PPP2R5E: variants seen among roughly 807,000 people sequenced by gnomAD.
The protein encoded by PPP2R5E is protein phosphatase 2 regulatory subunit B'epsilon, also known as serine/threonine-protein phosphatase 2A 56 kDa regulatory subunit epsilon isoform.
A neutral mutation model predicts 65.3 loss-of-function variants in PPP2R5E; 4 were observed. The ratio of observed to expected loss-of-function variants is 0.06; its 90% CI spans 0.03 to 0.14. The LOEUF (loss-of-function observed/expected upper bound fraction) is 0.14. Ranked by LOEUF, PPP2R5E falls within the 10% of genes least tolerant of loss-of-function variation. The pLI, the probability that PPP2R5E is intolerant of heterozygous loss-of-function variation, is 1.00. For synonymous variants in PPP2R5E, 183 were observed against 187.4 expected, an observed-to-expected ratio of 0.98 and a Z score of 0.19; for missense variants, 274 against 556.1, an observed-to-expected ratio of 0.49 and a Z score of 5.10.
intron 11 of PPP2R5E, among the ~76,000 whole-genome samples, chr14:63,389,108 T>TAG (rs1222422786): frequency 1.3e-5 from 2 of 149,798 alleles, no homozygotes; most frequent in African/African-American, 5.0e-5. Context: ...TTGGGACCTA[T>TAG]AGTAAATTGT....
At chr14:63,475,948 A>G (rs1890392145) in intron 2 of PPP2R5E, among the ~76,000 whole-genome samples, 1 of 152,216 alleles carries the variant, frequency 6.6e-6, no homozygotes, top group Non-Finnish European at 1.5e-5. Flanking sequence ...GCTTAACTAC[A>G]GTGTCATGAA....
chr14:63,473,701 G>T (rs966798543), intron 2 of PPP2R5E, among the ~76,000 whole-genome samples: 1 of 152,190 alleles, frequency 6.6e-6, no homozygotes, highest in Non-Finnish European at 1.5e-5. Context: ...TTTTGGTGTG[G>T]ATTTTATTAA....
intron 2 of PPP2R5E, among the ~76,000 whole-genome samples, chr14:63,474,739 GA>G (rs113866065): frequency 0.052 from 7,669 of 148,666 alleles, 558 homozygotes; most frequent in African/African-American, 0.16. Flanking sequence ...ATATTTGGGG[GA>G]AAAAAAGGAA....
chr14:63,440,784 A>C lies in PPP2R5E; in HGVS notation c.354+12905T>G, dbSNP rs1888191385. On this transcript the variant is annotated intron_variant, in intron 3 of 13. Transcript: ENST00000337537. The stretch of plus-strand genomic sequence containing the variant: ...AAACTCCGTCTCTACTAAAAAATAC[A>C]AAAAAAAAAAAAAAATTAGCTGGGC... Among the ~76,000 whole-genome samples the C allele has an allele frequency of 5.8e-5, 4 of 68,938 alleles. No homozygotes were observed. In the South Asian group the frequency reaches 1.4e-3, roughly 25 times the overall value. 45.2% of individuals were successfully genotyped at this position (68,938 alleles called of 152,430 possible).
intron 10 of PPP2R5E, among the ~76,000 whole-genome samples, chr14:63,390,295 GACAC>G (rs59239063): frequency 0.077 from 10,791 of 140,006 alleles, 404 homozygotes; most frequent in South Asian, 0.1. Flanking sequence ...ACGCATTCTC[GACAC>G]ACACACACAC....
intron 2 of PPP2R5E, among the ~76,000 whole-genome samples, chr14:63,461,271 A>G (rs1483707119): frequency 6.6e-6 from 1 of 152,052 alleles, no homozygotes; most frequent in Non-Finnish European, 1.5e-5. Flanking sequence ...TGCAAGAATT[A>G]TATACAGTAT....
chr14:63,377,467 C>T (rs1037461812), intron 13 of PPP2R5E, among the ~76,000 whole-genome samples: 1 of 152,082 alleles, frequency 6.6e-6, no homozygotes, highest in Non-Finnish European at 1.5e-5. Context: ...CCAAAAAACT[C>T]AAGAAAAACC....
chr14:63,474,892 T>C (rs889295809), intron 2 of PPP2R5E, among the ~76,000 whole-genome samples: 3 of 151,834 alleles, frequency 2.0e-5, no homozygotes, highest in Non-Finnish European at 4.4e-5. Context: ...ACTTACAAGT[T>C]GAGTAGAGGA....
chr14:63,495,108 CA>C (rs1891480777), intron 2 of PPP2R5E, among the ~76,000 whole-genome samples: 1 of 151,304 alleles, frequency 6.6e-6, no homozygotes, highest in Non-Finnish European at 1.5e-5. Flanking sequence ...GAGGCTGAGG[CA>C]GGACAATCAC....
intron 13 of PPP2R5E, among the ~76,000 whole-genome samples, chr14:63,380,731 C>A (rs1201622815): frequency 6.6e-6 from 1 of 152,036 alleles, no homozygotes; most frequent in Non-Finnish European, 1.5e-5. Context: ...TGATAATAAT[C>A]CCAATATTCT....
chr14:63,504,862 T>G (rs1007129688), intron 2 of PPP2R5E, among the ~76,000 whole-genome samples: 3 of 152,158 alleles, frequency 2.0e-5, no homozygotes, highest in African/African-American at 7.2e-5. Flanking sequence ...TCTAGCCAAG[T>G]TCCTAATGCA....
At position 63,485,572 on chromosome 14, in the gene PPP2R5E, G is replaced by A. The variant is rs146948686; in HGVS notation, c.158-31687C>T. On this transcript the variant is annotated intron_variant, in intron 2 of 13. Transcript: ENST00000337537. ...TGGGATTACAGGCATGTGCCACCAC[G>A]TCCGGCTAATTTTGTATTTTTAGTA... is the stretch of plus-strand genomic sequence containing the variant. Among the ~76,000 whole-genome samples, 860 of 152,008 alleles carry A rather than the reference G, an allele frequency of 5.7e-3. 13 individuals are homozygous for A. Among genetic ancestry groups the A allele is most frequent in the African/African-American group, 0.02 (811 of 41,450 alleles).
intron 2 of PPP2R5E, among the ~76,000 whole-genome samples, chr14:63,532,537 C>T (rs1013906981): frequency 2.0e-5 from 3 of 152,110 alleles, no homozygotes; most frequent in African/African-American, 4.8e-5. Context: ...CCAATTTCCA[C>T]CTTTTTACTA....
intron 2 of PPP2R5E, among the ~76,000 whole-genome samples, chr14:63,488,482 T>C (rs1453368104): frequency 6.6e-6 from 1 of 152,092 alleles, no homozygotes; most frequent in Non-Finnish European, 1.5e-5. Flanking sequence ...AGATTGCAGG[T>C]GTGAGCCACT....
chr14:63,421,682 T>C (rs944699570), intron 4 of PPP2R5E, among the ~76,000 whole-genome samples: 1 of 152,238 alleles, frequency 6.6e-6, no homozygotes, highest in Non-Finnish European at 1.5e-5. Flanking sequence ...AATGCTAATG[T>C]GAAAATAATT....
Position 63,380,660 on chromosome 14 carries a change from T to C in PPP2R5E, c.1304+1396A>G, listed in dbSNP as rs149636179. Among the ~76,000 whole-genome samples, 862 of 150,298 alleles carry C rather than the reference T, an allele frequency of 5.7e-3. 7 individuals are homozygous for C. The highest frequency in any genetic ancestry group is 0.051 in the East Asian group (257 of 5,070). On this transcript the variant is annotated intron_variant, in intron 13 of 13. Coordinates refer to ENST00000337537, the MANE Select transcript of PPP2R5E (RefSeq NM_006246.5). ...CTGGGCAACAGAGCAAGACTCCATC[T>C]CAAAAAACAAAAAAAAAAAAGTTGT...
intron 4 of PPP2R5E, among the ~76,000 whole-genome samples, chr14:63,415,557 T>C (rs1200406045): frequency 1.3e-5 from 2 of 152,204 alleles, no homozygotes; most frequent in African/African-American, 2.4e-5. Context: ...TCTTCCAGTT[T>C]TGCAAACTAC....
At chr14:63,494,686 C>G (rs560071344) in intron 2 of PPP2R5E, among the ~76,000 whole-genome samples, 74 of 146,374 alleles carry the variant, frequency 5.1e-4, no homozygotes, top group Non-Finnish European at 7.2e-4. Flanking sequence ...CTTGAGCTCA[C>G]CAGTTCAAGA....
intron 5 of PPP2R5E, among the ~76,000 whole-genome samples, chr14:63,409,441 A>G (rs1305218586): frequency 6.6e-6 from 1 of 152,186 alleles, no homozygotes; most frequent in Non-Finnish European, 1.5e-5. Context: ...TATTGGAATC[A>G]AGAAAAATAA....
Sources: gnomAD v4.1 joint callset for allele counts (sites outside exome capture counted in the v4.1 genomes callset) on GRCh38, gnomAD v4.1.1 for gene constraint, MANE v1.5 for transcripts, NCBI Gene and HGNC (gene_info 2026-07-23, HGNC 2026-07-21) for gene names.